RBPMS: variants seen among roughly 807,000 people sequenced by gnomAD.
RBPMS encodes the protein RNA binding protein, mRNA processing factor.
RBPMS carries 7 observed loss-of-function variants against 26.8 expected under a neutral mutation model. The observed-to-expected ratio is 0.26, with a 90% confidence interval of 0.15 to 0.49. The LOEUF (loss-of-function observed/expected upper bound fraction) is 0.49, where lower values mean the gene tolerates loss of function less well. Among genes scored for constraint, RBPMS ranks in the 20% least tolerant of loss-of-function variants. The pLI is 0.98. For synonymous variants in RBPMS, 96 were observed against 93.3 expected (o/e 1.03, Z -0.17); for missense variants, 186 against 250.0 (o/e 0.74, Z 1.73).
At chr8:30,509,629 A>G (rs1390563738) in intron 5 of RBPMS, among the ~76,000 whole-genome samples, 1 of 152,170 alleles carries the variant, frequency 6.6e-6, no homozygotes, top group Non-Finnish European at 1.5e-5. Flanking sequence ...ATTTTTTCCA[A>G]GGCAGCAGTG....
intron 5 of RBPMS, among the ~76,000 whole-genome samples, chr8:30,517,695 G>T (rs935663474): frequency 6.6e-6 from 1 of 152,192 alleles, no homozygotes; most frequent in Admixed American, 6.5e-5. Context: ...AAACAGGCCT[G>T]TAAGGAGCTG....
chr8:30,513,587 CAAAAAA>C (rs56184994), intron 5 of RBPMS, among the ~76,000 whole-genome samples: 11 of 108,510 alleles, frequency 1.0e-4, no homozygotes, highest in African/African-American at 1.7e-4. Flanking sequence ...GACTCCATCT[CAAAAAA>C]AAAAAAAAAA....
At chr8:30,440,250 G>A (rs534570160) in intron 1 of RBPMS, among the ~76,000 whole-genome samples, 1 of 152,230 alleles carries the variant, frequency 6.6e-6, no homozygotes, top group South Asian at 2.1e-4. Context: ...TAAGTGTACA[G>A]TTCAGTAGTG....
chr8:30,563,128 G>T (rs1209981314), intron 7 of RBPMS, among the ~76,000 whole-genome samples: 1 of 152,224 alleles, frequency 6.6e-6, no homozygotes, highest in African/African-American at 2.4e-5. Flanking sequence ...CTGAGGGCAT[G>T]TACAGGCCAT....
intron 5 of RBPMS, 58 bp downstream of exon 5, chr8:30,504,494 G>A: frequency 6.5e-7 from 1 of 1,540,512 alleles, no homozygotes; most frequent in Non-Finnish European, 8.9e-7. Flanking sequence ...TTCATGTGCT[G>A]CATGTGAGGT....
chr8:30,519,068 C>T (rs563564988), intron 5 of RBPMS, among the ~76,000 whole-genome samples: 3 of 152,208 alleles, frequency 2.0e-5, no homozygotes, highest in South Asian at 4.1e-4. Flanking sequence ...AAATCACAAA[C>T]ATCTTAGGAC....
chr8:30,530,610 G>A (rs961403269), intron 5 of RBPMS, among the ~76,000 whole-genome samples: 5 of 151,986 alleles, frequency 3.3e-5, no homozygotes, highest in African/African-American at 9.7e-5. Flanking sequence ...TTACAGGCAC[G>A]TGCCACCACA....
chr8:30,520,768 TC>T (rs771193920), intron 5 of RBPMS, among the ~76,000 whole-genome samples: 9 of 152,020 alleles, frequency 5.9e-5, no homozygotes, highest in South Asian at 4.2e-4. Flanking sequence ...GAGATGAACA[TC>T]CACAGAAAAA....
intron 5 of RBPMS, among the ~76,000 whole-genome samples, chr8:30,523,751 A>T (rs1236553258): frequency 1.3e-5 from 2 of 152,076 alleles, no homozygotes; most frequent in African/African-American, 4.8e-5. Flanking sequence ...CTGCATTAGC[A>T]TGTTAATTTC....
chr8:30,415,897 C>T (rs917809671), intron 1 of RBPMS, among the ~76,000 whole-genome samples: 1 of 152,132 alleles, frequency 6.6e-6, no homozygotes, highest in African/African-American at 2.4e-5. Context: ...TGAAGTTGGT[C>T]AATTTGTTTT....
At chr8:30,509,610 G>GGT (rs1001922878) in intron 5 of RBPMS, among the ~76,000 whole-genome samples, 3 of 152,312 alleles carry the variant, frequency 2.0e-5, no homozygotes, top group Admixed American at 2.0e-4. Flanking sequence ...ACAGAGCCCT[G>GGT]GTGCCTGCAT....
intron 1 of RBPMS, among the ~76,000 whole-genome samples, chr8:30,419,451 TG>T (rs556895766): frequency 1.6e-3 from 13 of 8,044 alleles, no homozygotes; most frequent in Admixed American, 2.7e-3. Flanking sequence ...ATCTCAAAAA[TG>T]TGTGTGTGTG....
intron 1 of RBPMS, among the ~76,000 whole-genome samples, chr8:30,441,117 C>T (rs1318262287): frequency 6.6e-6 from 1 of 152,104 alleles, no homozygotes; most frequent in Admixed American, 6.6e-5. Flanking sequence ...CCTGCCTGGA[C>T]TATTTTGAGT....
intron 4 of RBPMS, among the ~76,000 whole-genome samples, chr8:30,492,649 G>GA (rs1233395194): frequency 2.0e-5 from 3 of 150,406 alleles, no homozygotes; most frequent in Admixed American, 6.6e-5. Flanking sequence ...CAATCACTAG[G>GA]AAAAAAAAAT....
At chr8:30,542,979 T>G (rs1585825617) in intron 5 of RBPMS, among the ~76,000 whole-genome samples, 1 of 152,324 alleles carries the variant, frequency 6.6e-6, no homozygotes, top group African/African-American at 2.4e-5. Context: ...ATCAGTCCAC[T>G]CTTAGGGGCT....
chr8:30,516,478 C>T (rs1214366838), intron 5 of RBPMS, among the ~76,000 whole-genome samples: 1 of 152,110 alleles, frequency 6.6e-6, no homozygotes, highest in African/African-American at 2.4e-5. Flanking sequence ...AGTGACTAGC[C>T]CACGAGTAAC....
chr8:30,443,510 G>C (rs1316047144), intron 1 of RBPMS, among the ~76,000 whole-genome samples: 1 of 152,148 alleles, frequency 6.6e-6, no homozygotes, highest in African/African-American at 2.4e-5. Context: ...GGTTGTGGTA[G>C]GGGGAATTGG....
At chr8:30,442,295 C>T (rs1189529796) in intron 1 of RBPMS, among the ~76,000 whole-genome samples, 1 of 152,074 alleles carries the variant, frequency 6.6e-6, no homozygotes, top group Admixed American at 6.6e-5. Flanking sequence ...TGAAATAAAA[C>T]ATTTAGGCTT....
At position 30,441,613 on chromosome 8, in the gene RBPMS, A is replaced by AT. The variant is rs923073250; in HGVS notation, c.67-33156dup. Among the ~76,000 whole-genome samples the AT allele has an allele frequency of 3.0e-3, 449 of 149,866 alleles. 1 individual carries two copies. The highest frequency in any genetic ancestry group is 6.7e-3 in the African/African-American group (276 of 40,892). On this transcript the variant is annotated intron_variant, in intron 1 of 8. Transcript: ENST00000397323. ...TCTCTTCCGCTCTCTCCCGTGATTG[A>AT]TTTTTTTTTTCCCTCATACTGCCTA...
Sources: allele counts gnomAD v4.1 joint callset (sites outside exome capture counted in the v4.1 genomes callset), GRCh38; gene constraint gnomAD v4.1.1; transcripts MANE v1.5; gene names NCBI Gene and HGNC (gene_info 2026-07-23, HGNC 2026-07-21).